CLEC12B: variants seen among roughly 807,000 people sequenced by gnomAD.
CLEC12B encodes macrophage antigen h.
In CLEC12B, 25 loss-of-function variants were observed where a neutral mutation model predicts 36.1. That is an observed-to-expected ratio of 0.69 (90% CI 0.50 to 0.97). CLEC12B has a LOEUF of 0.97. Among genes scored for constraint, CLEC12B ranks in the 50% least tolerant of loss-of-function variants. The pLI, the probability that CLEC12B is intolerant of heterozygous loss-of-function variation, is 0.00. For synonymous variants in CLEC12B, 110 were observed against 108.5 expected (o/e 1.01, Z -0.09); for missense variants, 325 against 318.4 (o/e 1.02, Z -0.16).
chr12:10,014,737 T>G lies in CLEC12B; in HGVS notation c.405T>G (p.Thr135=), dbSNP rs1254858318. Residue 135 remains threonine (T), a synonymous_variant, in exon 3 of 6, where the codon ACT becomes ACG. Transcript: ENST00000338896. ...IKLCQELIIH[T]SDHRCNPCPK... ...TGTGCCAAGAGCTAATCATTCATAC[T>G]TCAGGTAATCAGACTTAGTCCTGCT... 6.2e-7 allele frequency: 1 copy of G among 1,611,232 alleles called. No individual in the cohort carries two copies. Among genetic ancestry groups the G allele is most frequent in the Non-Finnish European group, 8.5e-7 (1 of 1,177,578 alleles).
At position 10,014,696 on chromosome 12, in the gene CLEC12B, C is replaced by T. The variant is rs1865432810; in HGVS notation, c.364C>T (p.Gln122Ter). The change falls in exon 3 of 6, where the codon CAA becomes TAA. Residue 122 changes from glutamine to a stop codon, truncating the protein, a stop_gained. Coordinates refer to ENST00000338896, the MANE Select transcript of CLEC12B (RefSeq NM_001129998.3). LOFTEE classifies it high-confidence loss of function. Reference sequence around the variant, plus strand: ...CTCCAGTGTACTGAAGAGGCAGGAACAAATGGCCATCAAACTGTGCCAAGA... The same window carrying T: ...CTCCAGTGTACTGAAGAGGCAGGAATAAATGGCCATCAAACTGTGCCAAGA... ...QISSVLKRQE[Q>*]MAIKLCQELI... 6.2e-7 allele frequency: 1 copy of T among 1,613,640 alleles called. No homozygotes were observed. Among genetic ancestry groups the T allele is most frequent in the Non-Finnish European group, 8.5e-7 (1 of 1,179,654 alleles).
At chr12:10,008,961 A>G (rs1209520792), upstream of CLEC12B, among the ~76,000 whole-genome samples, 1 of 152,204 alleles carries the variant, frequency 6.6e-6, no homozygotes, top group African/African-American at 2.4e-5. Context: ...GTCTTACAAG[A>G]GGATTGTAAA....
chr12:10,009,365 C>A (rs1259491265), upstream of CLEC12B, among the ~76,000 whole-genome samples: 1 of 152,118 alleles, frequency 6.6e-6, no homozygotes, highest in Non-Finnish European at 1.5e-5. Flanking sequence ...AGATAGAAAA[C>A]CATTCTTAAT....
chr12:10,008,573 GATAAA>G (rs770031518), upstream of CLEC12B, among the ~76,000 whole-genome samples: 2 of 152,254 alleles, frequency 1.3e-5, no homozygotes, highest in East Asian at 1.9e-4. Context: ...TAGTGTAACT[GATAAA>G]ATAAGCTACA....
intron 5 of CLEC12B, chr12:10,016,077 G>A: frequency 2.7e-6 from 2 of 752,836 alleles, no homozygotes; most frequent in Non-Finnish European, 3.3e-6. Flanking sequence ...ACTTGCCTGA[G>A]GTCACTCAGC....
chr12:10,012,763 T>C (rs761786847), intron 1 of CLEC12B, 22 bp from the exon 2 acceptor site: 2 of 1,592,058 alleles, frequency 1.3e-6, no homozygotes, highest in East Asian at 2.2e-5. Flanking sequence ...TGTGTGCTGA[T>C]TGCTCTTTTG....
At chr12:10,018,291 C>A in intron 5 of CLEC12B, 40 bp from the exon 6 acceptor site, 2 of 1,252,572 alleles carry the variant, frequency 1.6e-6, no homozygotes, top group South Asian at 1.5e-5. Context: ...GATCACGTTT[C>A]AAATACAGAA....
At chr12:10,017,586 A>T in intron 5 of CLEC12B, 4 of 985,608 alleles carry the variant, frequency 4.1e-6, no homozygotes, top group Non-Finnish European at 4.8e-6. Context: ...GGTTAGAGAG[A>T]CTGAGCTTCC....
intron 5 of CLEC12B, chr12:10,017,102 G>A (rs1259684643): frequency 1.0e-6 from 1 of 985,038 alleles, no homozygotes; most frequent in African/African-American, 1.7e-5. Flanking sequence ...TTTCTCCCTG[G>A]ATACACTTTA....
intron 1 of CLEC12B, 62 bp downstream of exon 1, chr12:10,010,912 A>G: frequency 9.3e-7 from 1 of 1,078,364 alleles, no homozygotes; most frequent in African/African-American, 1.6e-5. Context: ...AAATGCTTTG[A>G]GGTGCCAGCT....
chr12:10,010,196 T>TCACACACACACA (rs1339450318), upstream of CLEC12B, among the ~76,000 whole-genome samples: 1 of 67,378 alleles, frequency 1.5e-5, no homozygotes, highest in African/African-American at 4.7e-5. Context: ...TCTCTGTCTC[T>TCACACACACACA]CTCTCACACA....
At chr12:10,015,831 C>A in intron 5 of CLEC12B, 104 bp downstream of exon 5, 1 of 1,541,212 alleles carries the variant, frequency 6.5e-7, no homozygotes, top group East Asian at 2.3e-5. Context: ...AAGAGGAGTA[C>A]AACATACTGA....
intron 1 of CLEC12B, among the ~76,000 whole-genome samples, chr12:10,011,252 A>G (rs1290301463): frequency 6.6e-6 from 1 of 152,196 alleles, no homozygotes; most frequent in East Asian, 1.9e-4. Flanking sequence ...TAGATGATGT[A>G]AGTTACTTAA....
At chr12:10,013,040 A>C in intron 2 of CLEC12B, 157 bp downstream of exon 2, 1 of 642,950 alleles carries the variant, frequency 1.6e-6, no homozygotes, top group Non-Finnish European at 2.7e-6. Flanking sequence ...CTTCCCAAAA[A>C]ACCGGCAAAA....
upstream of CLEC12B, among the ~76,000 whole-genome samples, chr12:10,010,153 G>C (rs1183664911): frequency 6.8e-6 from 1 of 146,290 alleles, no homozygotes; most frequent in Non-Finnish European, 1.5e-5. Flanking sequence ...CCAACACCAT[G>C]TCTCTCTCTC....
chr12:10,006,474 T>TTA (rs1333033388), upstream of CLEC12B, among the ~76,000 whole-genome samples: 8 of 151,708 alleles, frequency 5.3e-5, no homozygotes, highest in African/African-American at 1.7e-4. Flanking sequence ...GTTTTTTTTT[T>TTA]AAGAAGACCA....
At chr12:10,007,848 A>G (rs188841806), upstream of CLEC12B, among the ~76,000 whole-genome samples, 1 of 152,316 alleles carries the variant, frequency 6.6e-6, no homozygotes, top group East Asian at 1.9e-4. Flanking sequence ...TAAGAAAACG[A>G]TTTTTATAAT....
intron 1 of CLEC12B, 67 bp downstream of exon 1, chr12:10,010,917 C>T: frequency 9.9e-7 from 1 of 1,011,974 alleles, no homozygotes; most frequent in Non-Finnish European, 1.5e-6. Flanking sequence ...CTTTGAGGTG[C>T]CAGCTTTAAT....
In CLEC12B at chr12:10,010,771, A is replaced by G; in HGVS notation, c.12A>G (p.Glu4=). 3 of 1,596,892 alleles carry G rather than the reference A, an allele frequency of 1.9e-6. No individual in the cohort carries two copies. Among genetic ancestry groups the G allele is most frequent in the Non-Finnish European group, 2.6e-6 (3 of 1,164,570 alleles). The part of the protein sequence containing the change: MSE[E]VTYATLTFQD... Reference sequence around the variant, plus strand: ...CGTTTTCTTCTACAATGTCTGAAGAAGTGACCTACGCGACACTCACATTTC... The same window carrying G: ...CGTTTTCTTCTACAATGTCTGAAGAGGTGACCTACGCGACACTCACATTTC... Residue 4 remains glutamate (E), a synonymous_variant, in exon 1 of 6, where the codon GAA becomes GAG. Transcript: ENST00000338896.
Sources: gnomAD v4.1 joint callset for allele counts (sites outside exome capture counted in the v4.1 genomes callset) on GRCh38, gnomAD v4.1.1 for gene constraint, MANE v1.5 for transcripts, NCBI Gene and HGNC (gene_info 2026-07-23, HGNC 2026-07-21) for gene names.